TUBB8: variants seen among roughly 807,000 people sequenced by gnomAD.
TUBB8 encodes tubulin beta 8 class VIII.
TUBB8 carries 25 observed loss-of-function variants against 33.7 expected under a neutral mutation model. The ratio of observed to expected loss-of-function variants is 0.74; its 90% CI spans 0.54 to 1.04. The LOEUF (loss-of-function observed/expected upper bound fraction) is 1.04. Among genes scored for constraint, TUBB8 ranks in the 50% least tolerant of loss-of-function variants. The probability of loss-of-function intolerance (pLI) is 0.00; values close to 1 mark genes in which losing one functional copy is unlikely to be tolerated. For synonymous variants in TUBB8, 245 were observed against 240.1 expected, an observed-to-expected ratio of 1.02 and a Z score of -0.19; for missense variants, 279 against 608.0, an observed-to-expected ratio of 0.46 and a Z score of 5.69.
upstream of TUBB8, chr10:49,461 G>T (rs1834436553): frequency 4.4e-6 from 3 of 687,172 alleles, no homozygotes; most frequent in Non-Finnish European, 8.0e-6. Context: ...GTCCTTGCGT[G>T]GTCCTTTCCA....
At chr10:67,423 G>A (rs1246158164) in intron 1 of TUBB8, among the ~76,000 whole-genome samples, 1 of 152,084 alleles carries the variant, frequency 6.6e-6, no homozygotes, top group Non-Finnish European at 1.5e-5. Context: ...TTATTTTGTT[G>A]TTGTTTTTTG....
chr10:62,100 T>A (rs1368650169), intron 1 of TUBB8, among the ~76,000 whole-genome samples: 4 of 152,230 alleles, frequency 2.6e-5, no homozygotes, highest in Non-Finnish European at 4.4e-5. Context: ...TTCAATGTTA[T>A]TATTGATAAG....
chr10:50,211 T>C (rs1486731552), upstream of TUBB8: 1 of 152,290 alleles, frequency 6.6e-6, no homozygotes, highest in Non-Finnish European at 1.5e-5. Flanking sequence ...TCACCTGTTT[T>C]AGTGTCTTGA....
At chr10:48,268 G>C (rs782021708) in intron 3 of TUBB8, 154 bp from the exon 4 acceptor site, 5 of 889,196 alleles carry the variant, frequency 5.6e-6, no homozygotes, top group Middle Eastern at 3.1e-4. Flanking sequence ...CAGAGTTACA[G>C]GACAGCAGCT....
intron 1 of TUBB8, among the ~76,000 whole-genome samples, chr10:61,073 T>G (rs1168343451): frequency 6.1e-5 from 6 of 98,442 alleles, no homozygotes; most frequent in Admixed American, 1.5e-4. Flanking sequence ...TGGGGACTGT[T>G]GTGGGGTGGG....
At chr10:55,019 G>A (rs1324355807) in intron 1 of TUBB8, among the ~76,000 whole-genome samples, 1 of 152,200 alleles carries the variant, frequency 6.6e-6, no homozygotes, top group East Asian at 1.9e-4. Context: ...GCCTCCCAAA[G>A]TGCTGGGATT....
rs1262418193 is a variant in TUBB8 at position 63,494 on chromosome 10, T to C, written c.-846+10475A>G. 3.3e-5 allele frequency among the ~76,000 whole-genome samples: 5 copies of C among 152,254 alleles called. No homozygotes were observed. In the East Asian group the frequency reaches 9.6e-4, roughly 29 times the overall value. ...GGCATGCTTTATTCTTTATTCTTTT[T>C]TGTCTCCTCTGACTTTGTCTTTTCA... On this transcript the variant is annotated intron_variant, in intron 1 of 3. Coordinates refer to the TUBB8 transcript ENST00000564130.
intron 1 of TUBB8, among the ~76,000 whole-genome samples, chr10:73,516 G>A (rs1314518801): frequency 6.6e-6 from 1 of 152,312 alleles, no homozygotes; most frequent in Non-Finnish European, 1.5e-5. Context: ...GCTGGCGCAT[G>A]CCTGTAATCC....
chr10:46,860 G>A, downstream of TUBB8: 3 of 474,378 alleles, frequency 6.3e-6, no homozygotes, highest in South Asian at 2.3e-5. Context: ...TAGCCAGAGG[G>A]CCCATAGAAA....
chr10:74,894 G>T (rs1314226081), upstream of TUBB8, among the ~76,000 whole-genome samples: 2 of 113,692 alleles, frequency 1.8e-5, no homozygotes, highest in Non-Finnish European at 1.8e-5. Flanking sequence ...TTTTTTTTGA[G>T]ACGGAGTTTC....
chr10:46,676 TCCA>T (rs1478808183), downstream of TUBB8, among the ~76,000 whole-genome samples: 3 of 152,016 alleles, frequency 2.0e-5, no homozygotes, highest in Admixed American at 1.3e-4. Context: ...CAACAGGTTT[TCCA>T]CCACGTCACT....
At chr10:61,270 CCT>C (rs1191891412) in intron 1 of TUBB8, among the ~76,000 whole-genome samples, 1 of 152,022 alleles carries the variant, frequency 6.6e-6, no homozygotes, top group Admixed American at 6.6e-5. Flanking sequence ...CATAATAGTA[CCT>C]CTTTTACCAT....
upstream of TUBB8, among the ~76,000 whole-genome samples, chr10:52,554 G>A (rs1834482134): frequency 1.3e-5 from 2 of 152,350 alleles, no homozygotes; most frequent in South Asian, 4.1e-4. Context: ...AAGAGAAAGA[G>A]TTATAATTAA....
At chr10:51,993 G>C (rs561684982), upstream of TUBB8, among the ~76,000 whole-genome samples, 60 of 152,310 alleles carry the variant, frequency 3.9e-4, no homozygotes, top group African/African-American at 1.3e-3. Context: ...ACAATATGCA[G>C]AGCACTCAGG....
chr10:63,678 T>G (rs1419337758), intron 1 of TUBB8, among the ~76,000 whole-genome samples: 1 of 152,234 alleles, frequency 6.6e-6, no homozygotes, highest in Non-Finnish European at 1.5e-5. Flanking sequence ...CTGATAGAAT[T>G]TTGAATTCCT....
chr10:69,896 T>TCC (rs1834715748), intron 1 of TUBB8, among the ~76,000 whole-genome samples: 1 of 152,148 alleles, frequency 6.6e-6, no homozygotes, highest in Non-Finnish European at 1.5e-5. Flanking sequence ...AAAAACACTC[T>TCC]CCTCCTGACT....
At chr10:72,418 C>T (rs1419618274) in intron 1 of TUBB8, among the ~76,000 whole-genome samples, 23 of 150,286 alleles carry the variant, frequency 1.5e-4, no homozygotes, top group African/African-American at 2.5e-4. Context: ...ATTAGCCCGG[C>T]GTGGTGATGC....
downstream of TUBB8, chr10:46,718 A>G: frequency 2.8e-6 from 1 of 360,768 alleles, no homozygotes; most frequent in South Asian, 3.5e-5. Context: ...CCCCAAGTTC[A>G]TGTGAAGCCT....
At chr10:70,044 C>G (rs1834716885) in intron 1 of TUBB8, among the ~76,000 whole-genome samples, 1 of 152,190 alleles carries the variant, frequency 6.6e-6, no homozygotes, top group Non-Finnish European at 1.5e-5. Flanking sequence ...GTCTGGGAAA[C>G]TTGCTCATCC....
Sources: gnomAD v4.1 joint callset for allele counts (sites outside exome capture counted in the v4.1 genomes callset) on GRCh38, gnomAD v4.1.1 for gene constraint, MANE v1.5 for transcripts, NCBI Gene and HGNC (gene_info 2026-07-23, HGNC 2026-07-21) for gene names.